Variants in NEB observed in about 807,000 individuals in gnomAD.
The protein encoded by NEB is nebulin.
In NEB, 512 loss-of-function variants were observed where a neutral mutation model predicts 952.2. The ratio of observed to expected loss-of-function variants is 0.54; its 90% CI spans 0.50 to 0.58. The LOEUF (loss-of-function observed/expected upper bound fraction) is 0.58, where lower values mean the gene tolerates loss of function less well. Among genes scored for constraint, NEB ranks in the 20% least tolerant of loss-of-function variants. The pLI, the probability that NEB is intolerant of heterozygous loss-of-function variation, is 0.00. For synonymous variants in NEB, 2,900 were observed against 3,149.8 expected (o/e 0.92, Z 2.66); for missense variants, 8,428 against 9,231.1 (o/e 0.91, Z 3.56).
chr2:151,485,670 T>G lies in NEB; in HGVS notation c.*90A>C. On this transcript the variant is annotated 3_prime_UTR_variant, in exon 182 of 182. Transcript: ENST00000397345. The stretch of plus-strand genomic sequence containing the variant: ...TGACACAGAAAAACCATAGGCAGCT[T>G]GAGAACTTAGGTAACAGTGGAGAGT... 7.0e-4 allele frequency: 888 copies of G among 1,261,700 alleles called. No individual in the cohort carries two copies. Among genetic ancestry groups the G allele is most frequent in the Non-Finnish European group, 8.6e-4 (796 of 922,248 alleles). The allele number at this position is 1,261,700 out of a possible 1,614,324, so 78.2% of individuals were successfully genotyped here. A position where few individuals can be genotyped will look rare whatever the true frequency, so the allele number is the denominator to read the frequency against.
chr2:151,531,941 G>A (rs2091337533), intron 143 of NEB, 45 bp from the exon 144 acceptor site: 2 of 1,239,216 alleles, frequency 1.6e-6, no homozygotes, highest in South Asian at 2.6e-5. Flanking sequence ...GTTGTAGAGT[G>A]GGCTTTAAGG....
chr2:151,648,536 C>A (rs184704813), intron 54 of NEB, among the ~76,000 whole-genome samples: 2 of 152,302 alleles, frequency 1.3e-5, no homozygotes, highest in South Asian at 2.1e-4. Flanking sequence ...ATCACTGGAG[C>A]AACACACATT....
intron 135 of NEB, among the ~76,000 whole-genome samples, chr2:151,544,553 T>C (rs1391154758): frequency 3.3e-5 from 5 of 152,172 alleles, no homozygotes; most frequent in Admixed American, 3.3e-4. Flanking sequence ...AGCACAACTT[T>C]AGCAGGATAA....
intron 105 of NEB, among the ~76,000 whole-genome samples, chr2:151,578,543 C>A (rs1468323469): frequency 6.6e-6 from 1 of 151,668 alleles, no homozygotes; most frequent in Non-Finnish European, 1.5e-5. Flanking sequence ...TGCTTGTAAT[C>A]CCAGCTACTT....
At chr2:151,559,426 C>T (rs1249390357) in intron 124 of NEB, among the ~76,000 whole-genome samples, 1 of 152,176 alleles carries the variant, frequency 6.6e-6, no homozygotes, top group African/African-American at 2.4e-5. Flanking sequence ...TTTGACCCAG[C>T]AATCCCATTA....
chr2:151,577,785 G>A (rs1277921526), intron 105 of NEB, among the ~76,000 whole-genome samples: 1 of 152,120 alleles, frequency 6.6e-6, no homozygotes, highest in Non-Finnish European at 1.5e-5. Context: ...CACCATGTTG[G>A]TCAGGCTGAT....
At chr2:151,518,818 T>C (rs1227976160) in intron 155 of NEB, 147 bp downstream of exon 155, 1 of 608,616 alleles carries the variant, frequency 1.6e-6, no homozygotes, top group African/African-American at 1.8e-5. Context: ...ATTAATGTTG[T>C]CATTTGGAAG....
Position 151,687,590 on chromosome 2 carries a change from C to T in NEB, c.2523+36G>A, listed in dbSNP as rs368671999. 203 of 1,613,382 alleles carry T rather than the reference C, an allele frequency of 1.3e-4. 1 individual carries two copies. Among genetic ancestry groups the T allele is most frequent in the Non-Finnish European group, 1.3e-4 (156 of 1,179,494 alleles). On this transcript the variant is annotated intron_variant, in intron 26 of 181. Transcript: ENST00000397345. ...CACCAGGAAATGTCCCCAAGGCCAC[C>T]CTGTCCAGGTCCCCAGGTCCCCAGG...
intron 81 of NEB, among the ~76,000 whole-genome samples, chr2:151,609,535 C>G (rs1005849639): frequency 6.6e-6 from 1 of 152,084 alleles, no homozygotes; most frequent in African/African-American, 2.4e-5. Flanking sequence ...GCAATTGACC[C>G]AAGGAAATGC....
intron 54 of NEB, among the ~76,000 whole-genome samples, chr2:151,648,658 T>G (rs902401731): frequency 1.3e-5 from 2 of 152,176 alleles, no homozygotes; most frequent in Non-Finnish European, 2.9e-5. Context: ...CTTAGCAGCA[T>G]CCCTGGCTTC....
At chr2:151,623,431 C>CTAA (rs2098455872) in intron 71 of NEB, among the ~76,000 whole-genome samples, 1 of 152,116 alleles carries the variant, frequency 6.6e-6, no homozygotes, top group African/African-American at 2.4e-5. Flanking sequence ...AGGAAAATCC[C>CTAA]TAAAAAGTGT....
intron 131 of NEB, 108 bp from the exon 132 acceptor site, chr2:151,547,846 C>T (rs932296406): frequency 3.2e-5 from 23 of 712,268 alleles, no homozygotes; most frequent in African/African-American, 2.3e-4. Context: ...GAGGAAATAT[C>T]GAGGATATAG....
intron 44 of NEB, 119 bp downstream of exon 44, chr2:151,664,382 C>T (rs566221198): frequency 4.6e-6 from 3 of 659,098 alleles, no homozygotes; most frequent in Admixed American, 6.1e-5. Context: ...TCTTGTGTCA[C>T]ATGGGATGGC....
chr2:151,625,649 T>A lies in NEB; in HGVS notation c.10348-11A>T. ...TTCTGTGTATAAGCGCTGTGAAGGA[T>A]AAAAAGGTTAATGAATTAGAAAAAC... On this transcript the variant is annotated splice_polypyrimidine_tract_variant and intron_variant, in intron 70 of 181. Coordinates refer to ENST00000397345, the MANE Select transcript of NEB (RefSeq NM_001164508.2). The A allele has an allele frequency of 6.7e-7, 1 of 1,485,640 alleles. No homozygotes were observed. The highest frequency in any genetic ancestry group is 9.2e-7 in the Non-Finnish European group (1 of 1,082,846). 92.0% of individuals were successfully genotyped at this position (1,485,640 alleles called of 1,614,324 possible).
intron 37 of NEB, among the ~76,000 whole-genome samples, chr2:151,671,646 G>C (rs540879298): frequency 6.6e-6 from 1 of 152,132 alleles, no homozygotes; most frequent in African/African-American, 2.4e-5. Flanking sequence ...CTGCTAAAAA[G>C]CATTTTGTCA....
Position 151,614,552 on chromosome 2 carries a change from G to A in NEB, c.11325C>T (p.Gly3775=), listed in dbSNP as rs1451219883. ...TAATGTTCCGGGCCCCAATATGGTGGCCAAGCTGTTTGCGGTAGCCTTCCT... is the reference window on the plus strand; with the variant it reads ...TAATGTTCCGGGCCCCAATATGGTGACCAAGCTGTTTGCGGTAGCCTTCCT... The part of the protein sequence containing the change: ...KYKEGYRKQL[G]HHIGARNIKD... The change falls in exon 77 of 182, where the codon GGC becomes GGT. Residue 3775 remains glycine (G), a synonymous_variant. Coordinates refer to ENST00000397345, the MANE Select transcript of NEB (RefSeq NM_001164508.2). 8.1e-6 allele frequency: 13 copies of A among 1,613,750 alleles called. No homozygotes were observed. Among genetic ancestry groups the A allele is most frequent in the Non-Finnish European group, 1.1e-5 (13 of 1,179,782 alleles).
Position 151,609,811 on chromosome 2 carries a change from C to G in NEB, c.12328G>C (p.Asp4110His). 6.4e-7 allele frequency: 1 copy of G among 1,573,562 alleles called. No individual in the cohort carries two copies. The highest frequency in any genetic ancestry group is 8.6e-7 in the Non-Finnish European group (1 of 1,160,446). ...TTCCCAAAATTCATGTTACGTACAT[C>G]ACTCTGCAGGTCATAGGCCTTTTTT... ...QAKKAYDLQS[D>H]SVYKADLEWL... The change falls in exon 81 of 182, where the codon GAT becomes CAT. Residue 4110 changes from aspartate to histidine, a missense_variant and splice_region_variant. This residue lies in a region of NEB where 337 missense variants were observed against 297.5 expected (regional missense o/e 1.13). Coordinates refer to ENST00000397345, the MANE Select transcript of NEB (RefSeq NM_001164508.2).
chr2:151,561,707 C>A (rs984758635), intron 121 of NEB, among the ~76,000 whole-genome samples: 1 of 151,884 alleles, frequency 6.6e-6, no homozygotes, highest in Non-Finnish European at 1.5e-5. Context: ...ATTACAACTG[C>A]CCTATCAGAG....
At chr2:151,506,124 G>A (rs754481417) in intron 164 of NEB, 42 bp downstream of exon 164, 88 of 1,493,824 alleles carry the variant, frequency 5.9e-5, no homozygotes, top group Non-Finnish European at 7.8e-5. Flanking sequence ...AATTATCAAA[G>A]GGAGGCAGAA....
Sources: allele counts gnomAD v4.1 joint callset (sites outside exome capture counted in the v4.1 genomes callset), GRCh38; gene constraint gnomAD v4.1.1; regional missense constraint gnomAD v4.1.1; transcripts MANE v1.5; gene names NCBI Gene and HGNC (gene_info 2026-07-23, HGNC 2026-07-21).